The following WNK1 variants were observed in gnomAD, a reference collection of about 807,000 sequenced individuals.
The protein encoded by WNK1 is WNK lysine deficient protein kinase 1, also known as serine/threonine-protein kinase WNK1.
WNK1 carries 38 observed loss-of-function variants against 222.8 expected under a neutral mutation model. The ratio of observed to expected loss-of-function variants is 0.17; its 90% CI spans 0.13 to 0.22. The LOEUF (loss-of-function observed/expected upper bound fraction) is 0.22. WNK1 is among the 10% of genes least tolerant of loss of function. The pLI is 1.00. For missense variants in WNK1, 2,348 were observed against 2,918.4 expected, an observed-to-expected ratio of 0.80 and a Z score of 4.50; for synonymous variants, 1,090 against 1,092.9, an observed-to-expected ratio of 1.00 and a Z score of 0.05.
At chr12:809,201 AT>A (rs939614834) in intron 1 of WNK1, among the ~76,000 whole-genome samples, 1 of 132,832 alleles carries the variant, frequency 7.5e-6, no homozygotes, top group Non-Finnish European at 1.6e-5. Context: ...AGGTAACCAG[AT>A]TTTTTTTTCC....
chr12:896,578 C>T lies in WNK1; in HGVS notation c.6091C>T (p.His2031Tyr), dbSNP rs908898610. ...RDVDDGSGSP[H>Y]SPHQLSSKSL... ...TGTGGATGATGGTTCCGGTAGTCCA[C>T]ACTCGCCCCATCAGCTGAGCTCAAA... Residue 2031 changes from histidine to tyrosine, a missense_variant, in exon 24 of 28, where the codon CAC (histidine) becomes TAC (tyrosine). Physicochemically the swap from His to Tyr is moderately conservative, Grantham distance 83. This residue lies in a region of WNK1 where 1,144 missense variants were observed against 1,273.6 expected (regional missense o/e 0.90). Transcript: ENST00000315939. 15 of 1,611,944 alleles carry T rather than the reference C, an allele frequency of 9.3e-6. No homozygotes were observed. Among genetic ancestry groups the T allele is most frequent in the African/African-American group, 2.7e-5 (2 of 74,414 alleles).
chr12:856,513 A>C (rs1950808872), intron 4 of WNK1, among the ~76,000 whole-genome samples: 1 of 152,144 alleles, frequency 6.6e-6, no homozygotes, highest in South Asian at 2.1e-4. Flanking sequence ...TTAAACTATT[A>C]CTGTGATGAC....
chr12:865,339 G>T (rs1951575795), intron 8 of WNK1: 1 of 1,536,028 alleles, frequency 6.5e-7, no homozygotes, highest in Admixed American at 2.0e-5. Context: ...CGACGCTCCA[G>T]CCTGCCTTCC....
In WNK1 at chr12:908,861, G is replaced by GGGTGCA; in HGVS notation, c.*69_*70insGGTGCA. The GGGTGCA allele has an allele frequency of 2.0e-6, 1 of 491,846 alleles. No homozygotes were observed. The highest frequency in any genetic ancestry group is 4.1e-6 in the Non-Finnish European group (1 of 241,770). The allele number at this position is 491,846 out of a possible 1,614,324, so 30.5% of individuals were successfully genotyped here. On this transcript the variant is annotated 3_prime_UTR_variant, in exon 28 of 28. Coordinates refer to ENST00000315939, the MANE Select transcript of WNK1 (RefSeq NM_018979.4). Reference sequence around the variant, plus strand: ...ATGCTGAGGGGGTGGGTGGGGGTGGGAAGTAGCCTATATACTAACTACTAG... The same window carrying GGGTGCA: ...ATGCTGAGGGGGTGGGTGGGGGTGGGGGTGCAAAGTAGCCTATATACTAACTACTAG...
intron 19 of WNK1, among the ~76,000 whole-genome samples, chr12:886,809 A>T (rs1455768067): frequency 3.3e-5 from 5 of 152,236 alleles, no homozygotes; most frequent in Non-Finnish European, 7.3e-5. Context: ...TTTTGTTATC[A>T]GACCTGCCCA....
At chr12:781,891 G>A (rs1381842131) in intron 1 of WNK1, among the ~76,000 whole-genome samples, 1 of 151,966 alleles carries the variant, frequency 6.6e-6, no homozygotes, top group African/African-American at 2.4e-5. Context: ...CCCCCTCCCA[G>A]TGGTTGAGTT....
At chr12:877,052 A>AT (rs34011207) in intron 9 of WNK1, among the ~76,000 whole-genome samples, 1,010 of 77,154 alleles carry the variant, frequency 0.013, 46 homozygotes, top group African/African-American at 0.02. Flanking sequence ...CCTAAACTTC[A>AT]TTTTTTTTTT....
At chr12:889,685 G>A (rs187055638) in intron 21 of WNK1, among the ~76,000 whole-genome samples, 1 of 152,068 alleles carries the variant, frequency 6.6e-6, no homozygotes. Flanking sequence ...AGGTGTGGTG[G>A]TGCACGCCTG....
At position 830,251 on chromosome 12, in the gene WNK1, AT is replaced by A. The variant is rs1280585064; in HGVS notation, c.1311+92del. On this transcript the variant is annotated intron_variant, in intron 4 of 27. Coordinates refer to ENST00000315939, the MANE Select transcript of WNK1 (RefSeq NM_018979.4). ...ACATCAAACCATGTAAAAGAGGACA[AT>A]AGTGGAAGGCATACTGAGTGAACTG... The A allele has an allele frequency of 2.8e-6, 4 of 1,425,022 alleles. No homozygotes were observed. In the African/African-American group the frequency reaches 5.6e-5, roughly 20 times the overall value. 88.3% of individuals were successfully genotyped at this position (1,425,022 alleles called of 1,614,324 possible). A position where few individuals can be genotyped will look rare whatever the true frequency, so the allele number is the denominator to read the frequency against.
At chr12:795,823 T>A (rs1330946365) in intron 1 of WNK1, among the ~76,000 whole-genome samples, 1 of 152,138 alleles carries the variant, frequency 6.6e-6, no homozygotes, top group East Asian at 1.9e-4. Context: ...AAGAAAAAAA[T>A]TTTTATGCTT....
chr12:897,279 G>A (rs1954836219), intron 24 of WNK1, among the ~76,000 whole-genome samples, 200 bp from the exon 25 acceptor site: 1 of 152,134 alleles, frequency 6.6e-6, no homozygotes, highest in African/African-American at 2.4e-5. Flanking sequence ...TTGTTGGCTA[G>A]GAGCTTGTTG....
intron 1 of WNK1, among the ~76,000 whole-genome samples, chr12:795,689 C>G (rs555903910): frequency 6.6e-6 from 1 of 151,978 alleles, no homozygotes; most frequent in Non-Finnish European, 1.5e-5. Context: ...TTCTATAGTT[C>G]GTGTCTTTCT....
chr12:796,869 G>A (rs1175681184), intron 1 of WNK1, among the ~76,000 whole-genome samples: 1 of 127,742 alleles, frequency 7.8e-6, no homozygotes, highest in African/African-American at 2.5e-5. Flanking sequence ...ACCAATGCAA[G>A]CATGATCAAT....
chr12:884,873 C>T lies in WNK1; in HGVS notation c.4069C>T (p.Pro1357Ser). 2 of 1,614,096 alleles carry T rather than the reference C, an allele frequency of 1.2e-6. No individual in the cohort carries two copies. Among genetic ancestry groups the T allele is most frequent in the Non-Finnish European group, 1.7e-6 (2 of 1,180,002 alleles). The change falls in exon 19 of 28, where the codon CCT (proline) becomes TCT (serine). Residue 1357 changes from proline (P) to serine (S), a missense_variant. Pro to Ser is a moderately conservative substitution (Grantham distance 74, BLOSUM62 -1). This residue lies in a region of WNK1 where 1,144 missense variants were observed against 1,273.6 expected (regional missense o/e 0.90). Coordinates refer to ENST00000315939, the MANE Select transcript of WNK1 (RefSeq NM_018979.4). The surrounding 1 kb of genome is among the most constrained non-coding windows in gnomAD (Gnocchi z 5.6). ...PTTAAATAPV[P>S]ATSSPPNDIS... is the part of the protein sequence containing the mutation. ...CACAGCAGCAGCCACAGCACCAGTC[C>T]CTGCAACAAGCAGCCCTCCTAATGA...
chr12:900,090 A>G (rs1054255169), intron 25 of WNK1, among the ~76,000 whole-genome samples: 1 of 148,076 alleles, frequency 6.8e-6, no homozygotes, highest in African/African-American at 2.5e-5. Context: ...GGTTCAAGCA[A>G]TTCTCCTTCC....
intron 26 of WNK1, among the ~76,000 whole-genome samples, chr12:904,159 C>T (rs1017857641): frequency 1.3e-5 from 2 of 152,188 alleles, no homozygotes; most frequent in South Asian, 2.1e-4. Context: ...TGGAGTTCCT[C>T]GCCAATTCCA....
chr12:865,633 C>G (rs1244419518), intron 8 of WNK1, among the ~76,000 whole-genome samples: 10 of 152,140 alleles, frequency 6.6e-5, no homozygotes, highest in Admixed American at 6.5e-4. Context: ...TTATATCTTC[C>G]TGTTTCCTAT....
chr12:862,125 C>G lies in WNK1; in HGVS notation c.1994C>G (p.Thr665Arg), dbSNP rs2286007. Residue 665 changes from threonine (T) to arginine (R), a missense_variant, in exon 8 of 28, where the codon ACA becomes AGA. By Grantham distance (71) the Thr-to-Arg change is moderately conservative. This residue lies in a region of WNK1 where 547 missense variants were observed against 558.3 expected (regional missense o/e 0.98). Coordinates refer to ENST00000315939, the MANE Select transcript of WNK1 (RefSeq NM_018979.4). ...VDSGQGSSVFTESRVSSQQTV... is the reference protein window; with the variant it reads ...VDSGQGSSVFRESRVSSQQTV... The stretch of plus-strand genomic sequence containing the variant: ...AGTGGTCAGGGATCCTCTGTCTTCA[C>G]AGAATCTCGAGTGAGCAGCCAACAG... 6.2e-7 allele frequency: 1 copy of G among 1,613,976 alleles called. No homozygotes were observed. Among genetic ancestry groups the G allele is most frequent in the East Asian group, 2.2e-5 (1 of 44,880 alleles).
chr12:852,771 A>G (rs1026329402), intron 4 of WNK1, among the ~76,000 whole-genome samples: 1 of 152,196 alleles, frequency 6.6e-6, no homozygotes, highest in Non-Finnish European at 1.5e-5. Flanking sequence ...AGAACGAGAA[A>G]CCTATGAGTA....
Sources: allele counts gnomAD v4.1 joint callset (sites outside exome capture counted in the v4.1 genomes callset), GRCh38; gene constraint gnomAD v4.1.1; regional missense constraint gnomAD v4.1.1; non-coding constraint Gnocchi (gnomAD v3.1); transcripts MANE v1.5; gene names NCBI Gene and HGNC (gene_info 2026-07-23, HGNC 2026-07-21).